The following SAMMSON variants were observed in gnomAD, a reference collection of about 807,000 sequenced individuals.
SAMMSON encodes survival associated mitochondrial melanoma specific oncogenic non-coding RNA, also known as long intergenic non-protein coding RNA 1212.
intron 9 of SAMMSON, among the ~76,000 whole-genome samples, chr3:70,360,444 A>G (rs1480134164): frequency 2.0e-5 from 3 of 152,286 alleles, no homozygotes; most frequent in Non-Finnish European, 2.9e-5. Context: ...TATTGTAAAA[A>G]TGACTGTTAT....
At position 70,306,717 on chromosome 3, in the gene SAMMSON, G is replaced by A. The variant is rs147787504; in HGVS notation, n.739+15474G>A. On this transcript the variant is annotated intron_variant and non_coding_transcript_variant, in intron 7 of 9. Transcript: ENST00000642114. Reference sequence around the variant, plus strand: ...GCTTTGGTGCATTAAAGGTACACTTGGAACTTGGAATGATTTGTTTTTCCC... The same window carrying A: ...GCTTTGGTGCATTAAAGGTACACTTAGAACTTGGAATGATTTGTTTTTCCC... Among the ~76,000 whole-genome samples, 355 of 152,130 alleles carry A rather than the reference G, an allele frequency of 2.3e-3. 3 individuals are homozygous for A. Among genetic ancestry groups the A allele is most frequent in the African/African-American group, 7.9e-3 (326 of 41,502 alleles).
rs190505874 is a variant in SAMMSON at position 70,321,172 on chromosome 3, C to G, written n.739+29929C>G. ...TTTGATCAGTTTTGACATATCTATA[C>G]ATTCACAAAATGATCACTATAATCA... On this transcript the variant is annotated intron_variant and non_coding_transcript_variant, in intron 7 of 9. Coordinates refer to ENST00000642114, the Ensembl canonical transcript of SAMMSON. 1.1e-4 allele frequency among the ~76,000 whole-genome samples: 16 copies of G among 152,200 alleles called. No individual in the cohort carries two copies. The East Asian group carries it at 3.1e-3, about 30-fold the overall frequency.
At chr3:70,138,918 G>A (rs2067516778) in intron 4 of SAMMSON, among the ~76,000 whole-genome samples, 1 of 152,144 alleles carries the variant, frequency 6.6e-6, no homozygotes, top group African/African-American at 2.4e-5. Flanking sequence ...GTCTCACACT[G>A]TCACCCAGGC....
intron 4 of SAMMSON, among the ~76,000 whole-genome samples, chr3:70,086,972 T>C (rs909390284): frequency 1.3e-5 from 2 of 152,196 alleles, no homozygotes; most frequent in Admixed American, 6.5e-5. Context: ...GCAGAGCTCC[T>C]GGCTGAGCCC....
chr3:70,149,234 T>G (rs1248150565), intron 4 of SAMMSON, among the ~76,000 whole-genome samples: 1 of 152,158 alleles, frequency 6.6e-6, no homozygotes, highest in Non-Finnish European at 1.5e-5. Flanking sequence ...GATTTTGATG[T>G]AAAGCTGTTA....
intron 4 of SAMMSON, among the ~76,000 whole-genome samples, chr3:70,178,244 A>T (rs959574064): frequency 2.0e-5 from 3 of 151,928 alleles, no homozygotes; most frequent in Admixed American, 2.0e-4. Flanking sequence ...TATGCTGGGG[A>T]TGTGTGGAGG....
intron 4 of SAMMSON, among the ~76,000 whole-genome samples, chr3:70,174,043 A>G (rs1425676504): frequency 6.6e-6 from 1 of 151,858 alleles, no homozygotes; most frequent in Admixed American, 6.6e-5. Context: ...CCTAAATTAC[A>G]TCCTCCCTTT....
chr3:70,079,021 A>G (rs552090196), intron 4 of SAMMSON, among the ~76,000 whole-genome samples: 4 of 152,210 alleles, frequency 2.6e-5, no homozygotes, highest in East Asian at 3.8e-4. Flanking sequence ...TGTACTATCT[A>G]TGGCTGCTTT....
At position 70,276,883 on chromosome 3, in the gene SAMMSON, A is replaced by G. The variant is rs1489409156; in HGVS notation, n.675-14296A>G. ...AATTAGATTGTAGTTTTGTCAAATT[A>G]CACTCCAGAAAGTTTATGTTCTCAA... On this transcript the variant is annotated intron_variant and non_coding_transcript_variant, in intron 6 of 9. Transcript: ENST00000642114. Among the ~76,000 whole-genome samples, 5 of 152,378 alleles carry G rather than the reference A, an allele frequency of 3.3e-5. No individual in the cohort carries two copies. The East Asian group carries it at 9.6e-4, about 29-fold the overall frequency.
At chr3:70,319,010 C>T (rs918033452) in intron 7 of SAMMSON, among the ~76,000 whole-genome samples, 2 of 152,046 alleles carry the variant, frequency 1.3e-5, no homozygotes, top group African/African-American at 4.8e-5. Flanking sequence ...ACTGTATTAA[C>T]TGTGATACCT....
rs1193657961 is a variant in SAMMSON at position 70,365,970 on chromosome 3, CTTTTTTTTTTTTTTT to C, written n.913+7663_913+7677del. 2.2e-4 allele frequency among the ~76,000 whole-genome samples: 6 copies of C among 27,772 alleles called. 1 individual carries two copies. Among genetic ancestry groups the C allele is most frequent in the African/African-American group, 5.3e-4 (4 of 7,510 alleles). The allele number at this position is 27,772 out of a possible 152,430, so 18.2% of individuals were successfully genotyped here. ...AAAAATTGTTTGTGCTTTACCTTTT[CTTTTTTTTTTTTTTT>C]TTTTTTTTTTTTTTTTGAGACGGAG... On this transcript the variant is annotated intron_variant and non_coding_transcript_variant, in intron 9 of 9. Coordinates refer to ENST00000642114, the Ensembl canonical transcript of SAMMSON.
intron 4 of SAMMSON, among the ~76,000 whole-genome samples, chr3:70,094,374 C>T (rs1291250816): frequency 1.3e-5 from 2 of 152,182 alleles, no homozygotes; most frequent in Non-Finnish European, 2.9e-5. Context: ...AATATGATTA[C>T]GTGAGCCTCC....
At chr3:70,244,684 T>C (rs1701690221) in intron 4 of SAMMSON, among the ~76,000 whole-genome samples, 1 of 152,172 alleles carries the variant, frequency 6.6e-6, no homozygotes, top group Non-Finnish European at 1.5e-5. Flanking sequence ...AATTTGATGG[T>C]TAGAAATGCA....
chr3:70,292,328 C>G (rs895928895), intron 7 of SAMMSON, among the ~76,000 whole-genome samples: 8 of 152,084 alleles, frequency 5.3e-5, no homozygotes, highest in Non-Finnish European at 1.2e-4. Flanking sequence ...AGAATGGAGT[C>G]TCTGAGAGCC....
intron 4 of SAMMSON, among the ~76,000 whole-genome samples, chr3:70,242,157 C>T (rs1404768813): frequency 6.6e-6 from 1 of 152,156 alleles, no homozygotes; most frequent in Admixed American, 6.6e-5. Context: ...TGTATTTCTA[C>T]TGGTAAAAGC....
At chr3:70,399,944 C>T (rs1701126499) in intron 2 of SAMMSON, among the ~76,000 whole-genome samples, 2 of 151,674 alleles carry the variant, frequency 1.3e-5, no homozygotes, top group Admixed American at 1.3e-4. Flanking sequence ...CAGTTTTTCT[C>T]ATTAATGTAC....
intron 3 of SAMMSON, among the ~76,000 whole-genome samples, chr3:70,043,554 A>G (rs1243169852): frequency 6.6e-6 from 1 of 152,058 alleles, no homozygotes; most frequent in Non-Finnish European, 1.5e-5. Context: ...GCTCTTATGT[A>G]CATTTTCAGA....
At chr3:70,198,807 C>T (rs1028563082) in intron 4 of SAMMSON, among the ~76,000 whole-genome samples, 1 of 152,208 alleles carries the variant, frequency 6.6e-6, no homozygotes, top group Non-Finnish European at 1.5e-5. Context: ...TTTTTCTTCA[C>T]TTAGAGCCAG....
intron 3 of SAMMSON, among the ~76,000 whole-genome samples, chr3:70,050,316 T>C (rs893288881): frequency 3.6e-4 from 55 of 152,296 alleles, no homozygotes; most frequent in African/African-American, 1.3e-3. Flanking sequence ...TATAGTTATT[T>C]ATGAATTCCT....
Sources: allele counts gnomAD v4.1 joint callset (sites outside exome capture counted in the v4.1 genomes callset), GRCh38; gene constraint gnomAD v4.1.1; transcripts MANE v1.5; gene names NCBI Gene and HGNC (gene_info 2026-07-23, HGNC 2026-07-21).